TNFAIP1: variants seen among roughly 807,000 people sequenced by gnomAD.
TNFAIP1 encodes the protein TNF alpha induced protein 1.
In TNFAIP1, 20 loss-of-function variants were observed where a neutral mutation model predicts 32.6. The observed-to-expected ratio is 0.61, with a 90% CI of 0.43 to 0.89. TNFAIP1 has a LOEUF of 0.89. Among genes scored for constraint, TNFAIP1 ranks in the 40% least tolerant of loss-of-function variants. The probability of loss-of-function intolerance (pLI) is 0.00; values close to 1 mark genes in which losing one functional copy is unlikely to be tolerated. For synonymous variants in TNFAIP1, 166 were observed against 166.8 expected (o/e 1.00, Z 0.04); for missense variants, 319 against 425.1 (o/e 0.75, Z 2.20).
At position 28,340,203 on chromosome 17, in the gene TNFAIP1, G is replaced by A. The variant is rs1208779178; in HGVS notation, c.206-106G>A. 26 of 1,200,636 alleles carry A rather than the reference G, an allele frequency of 2.2e-5. No homozygotes were observed. Among genetic ancestry groups the A allele is most frequent in the South Asian group, 5.5e-5 (4 of 73,330 alleles). 74.4% of individuals were successfully genotyped at this position (1,200,636 alleles called of 1,614,324 possible). ...CACCCTGCGTAAGGGCTTTGTGCTC[G>A]TGGACCCCCTTCCCTGCCACCTGCC... On this transcript the variant is annotated intron_variant, in intron 2 of 6. Transcript: ENST00000226225. The surrounding 1 kb of genome is among the most constrained non-coding windows in gnomAD (Gnocchi z 4.1).
chr17:28,344,558 C>A lies in TNFAIP1; in HGVS notation c.909C>A (p.Tyr303Ter), dbSNP rs138477954. Residue 303 changes from tyrosine to a stop codon, truncating the protein, a stop_gained, in exon 7 of 7, where the codon TAC becomes TAA. Transcript: ENST00000226225. LOFTEE classifies it high-confidence loss of function. ...TCCACGTCAAGCGCTACAGCACTTA[C>A]GATGACCGGCAGCTCGGCCACCAGT... ...RRIHVKRYST[Y>*]DDRQLGHQST... The A allele has an allele frequency of 6.2e-7, 1 of 1,613,642 alleles. No individual in the cohort carries two copies. Among genetic ancestry groups the A allele is most frequent in the South Asian group, 1.1e-5 (1 of 91,088 alleles).
At position 28,339,450 on chromosome 17, in the gene TNFAIP1, G is replaced by T; in HGVS notation, c.-72G>T. ...TCTGGCCTCCACTGGCCACTCACTC[G>T]TGACCCTTTCCACCACGGCGGAGCC... On this transcript the variant is annotated 5_prime_UTR_variant, in exon 2 of 7. Transcript: ENST00000226225. 1 of 1,452,884 alleles carries T rather than the reference G, an allele frequency of 6.9e-7. No individual in the cohort carries two copies. Among genetic ancestry groups the T allele is most frequent in the Non-Finnish European group, 9.2e-7 (1 of 1,090,810 alleles). The allele number at this position is 1,452,884 out of a possible 1,614,324, so 90.0% of individuals were successfully genotyped here. A position where few individuals can be genotyped will look rare whatever the true frequency, so the allele number is the denominator to read the frequency against.
At chr17:28,339,345 C>T in intron 1 of TNFAIP1, 63 bp from the exon 2 acceptor site, 1 of 522,118 alleles carries the variant, frequency 1.9e-6, no homozygotes, top group East Asian at 3.3e-5. Flanking sequence ...CGTGTTTCTG[C>T]TATTGTCTCC....
Position 28,340,164 on chromosome 17 carries a change from A to C in TNFAIP1, c.206-145A>C. On this transcript the variant is annotated intron_variant, in intron 2 of 6. Coordinates refer to ENST00000226225, the MANE Select transcript of TNFAIP1 (RefSeq NM_021137.5). This position sits in a 1 kb window ranked among gnomAD's most constrained non-coding sequence, Gnocchi z 4.1. ...CATGGGCCTGAGTGCTAGAACCTCCATCCCCGCCTCTGTCACCCTGCGTAA... is the reference window on the plus strand; with the variant it reads ...CATGGGCCTGAGTGCTAGAACCTCCCTCCCCGCCTCTGTCACCCTGCGTAA... 1.2e-6 allele frequency: 1 copy of C among 802,100 alleles called. No individual in the cohort carries two copies. The highest frequency in any genetic ancestry group is 2.0e-6 in the Non-Finnish European group (1 of 498,876). 49.7% of individuals were successfully genotyped at this position (802,100 alleles called of 1,614,324 possible).
chr17:28,344,741 G>T lies in TNFAIP1; in HGVS notation c.*141G>T, dbSNP rs1907489118. 1.2e-6 allele frequency: 1 copy of T among 831,756 alleles called. No individual in the cohort carries two copies. The highest frequency in any genetic ancestry group is 1.7e-5 in the African/African-American group (1 of 59,144). 51.5% of individuals were successfully genotyped at this position (831,756 alleles called of 1,614,324 possible). A position where few individuals can be genotyped will look rare whatever the true frequency, so the allele number is the denominator to read the frequency against. On this transcript the variant is annotated 3_prime_UTR_variant, in exon 7 of 7. Coordinates refer to ENST00000226225, the MANE Select transcript of TNFAIP1 (RefSeq NM_021137.5). Reference sequence around the variant, plus strand: ...TGACAGGCCCTGCTCAGAGGTCAGAGGGTCTGGGCAGAGGAGGGACCACAT... The same window carrying T: ...TGACAGGCCCTGCTCAGAGGTCAGATGGTCTGGGCAGAGGAGGGACCACAT...
intron 1 of TNFAIP1, among the ~76,000 whole-genome samples, chr17:28,336,283 C>T (rs1367695803): frequency 1.3e-5 from 2 of 152,120 alleles, no homozygotes; most frequent in African/African-American, 4.8e-5. Context: ...GCCACGGATC[C>T]GCCCTTAGCC....
chr17:28,341,146 G>C (rs1597794305), intron 3 of TNFAIP1, 91 bp from the exon 4 acceptor site: 1 of 1,330,020 alleles, frequency 7.5e-7, no homozygotes, highest in Admixed American at 1.7e-5. Flanking sequence ...CAAGCAGCGG[G>C]TGGCCATGGC....
chr17:28,339,526 CG>C lies in TNFAIP1; in HGVS notation c.10del (p.Asp4ThrfsTer43). 6.3e-7 allele frequency: 1 copy of C among 1,598,014 alleles called. No individual in the cohort carries two copies. On this transcript the variant is annotated frameshift_variant, in exon 2 of 7. Coordinates refer to ENST00000226225, the MANE Select transcript of TNFAIP1 (RefSeq NM_021137.5). LOFTEE classifies it high-confidence loss of function. ...GTGATCTACCTGCAGCGGGAGATGTCGGGGGACACCTGCCTGTGCCCAGCCT... is the reference window on the plus strand; with the variant it reads ...GTGATCTACCTGCAGCGGGAGATGTCGGGGACACCTGCCTGTGCCCAGCCT... Reference protein sequence around the residue: MSGDTCLCPASG... With the variant: MXGDTCLCPASG...
rs1907596728 is a variant in TNFAIP1, at chr17:28,346,990, T to G, written c.*2390T>G. On this transcript the variant is annotated 3_prime_UTR_variant, in exon 7 of 7. Transcript: ENST00000226225. ...GATGGAAGCAAACACTAATTTCTAA[T>G]AAAATTGTGTTAAACTCAATGGTAC... 6.6e-6 allele frequency: 1 copy of G among 152,222 alleles called. No homozygotes were observed. The highest frequency in any genetic ancestry group is 6.5e-5 in the Admixed American group (1 of 15,278). 9.4% of individuals were successfully genotyped at this position (152,222 alleles called of 1,614,324 possible). A position where few individuals can be genotyped will look rare whatever the true frequency, so the allele number is the denominator to read the frequency against.
chr17:28,343,899 C>T (rs1907452491), intron 6 of TNFAIP1, among the ~76,000 whole-genome samples: 1 of 152,194 alleles, frequency 6.6e-6, no homozygotes, highest in African/African-American at 2.4e-5. Context: ...AGCATAGCAG[C>T]TGCTCTGTGT....
rs1555577813 is a variant in TNFAIP1 at position 28,339,541 on chromosome 17, T to C, written c.20T>C (p.Leu7Pro). Residue 7 changes from leucine to proline, a missense_variant, in exon 2 of 7, where the codon CTG (leucine) becomes CCG (proline). By Grantham distance (98) the Leu-to-Pro change is moderately conservative. Coordinates refer to ENST00000226225, the MANE Select transcript of TNFAIP1 (RefSeq NM_021137.5). MSGDTC[L>P]CPASGAKPKL... ...CGGGAGATGTCGGGGGACACCTGCCTGTGCCCAGCCTCAGGGGCCAAGCCC... is the reference window on the plus strand; with the variant it reads ...CGGGAGATGTCGGGGGACACCTGCCCGTGCCCAGCCTCAGGGGCCAAGCCC... 1 of 1,606,860 alleles carries C rather than the reference T, an allele frequency of 6.2e-7. No individual in the cohort carries two copies. Among genetic ancestry groups the C allele is most frequent in the African/African-American group, 1.3e-5 (1 of 74,832 alleles).
chr17:28,341,910 G>A (rs1398187979), intron 5 of TNFAIP1, among the ~76,000 whole-genome samples: 3 of 152,288 alleles, frequency 2.0e-5, no homozygotes. Context: ...GATTCCCTGT[G>A]GCCAGGCATA....
At chr17:28,336,092 G>C (rs1380245909) in intron 1 of TNFAIP1, among the ~76,000 whole-genome samples, 2 of 152,160 alleles carry the variant, frequency 1.3e-5, no homozygotes, top group African/African-American at 4.8e-5. Flanking sequence ...TTTGGGTGAC[G>C]CTTAACCTTT....
Position 28,345,218 on chromosome 17 carries a change from T to C in TNFAIP1, c.*618T>C, listed in dbSNP as rs1454664942. Reference sequence around the variant, plus strand: ...GTACTGTTATTCAGGAGGTTGATAATCTCCTTGACCCATGTCTTTCTACCC... The same window carrying C: ...GTACTGTTATTCAGGAGGTTGATAACCTCCTTGACCCATGTCTTTCTACCC... On this transcript the variant is annotated 3_prime_UTR_variant, in exon 7 of 7. Transcript: ENST00000226225. The C allele has an allele frequency of 1.3e-5, 2 of 153,750 alleles. No homozygotes were observed. Among genetic ancestry groups the C allele is most frequent in the African/African-American group, 4.8e-5 (2 of 41,400 alleles). 9.5% of individuals were successfully genotyped at this position (153,750 alleles called of 1,614,324 possible). A position where few individuals can be genotyped will look rare whatever the true frequency, so the allele number is the denominator to read the frequency against.
At chr17:28,341,186 G>A (rs782145811) in intron 3 of TNFAIP1, 51 bp from the exon 4 acceptor site, 4 of 1,603,274 alleles carry the variant, frequency 2.5e-6, no homozygotes, top group Admixed American at 1.7e-5. Context: ...ACCTCGATAA[G>A]CCTGGGAAGC....
In TNFAIP1 at chr17:28,344,819, T is replaced by G; in HGVS notation, c.*219T>G. On this transcript the variant is annotated 3_prime_UTR_variant, in exon 7 of 7. Coordinates refer to ENST00000226225, the MANE Select transcript of TNFAIP1 (RefSeq NM_021137.5). Reference sequence around the variant, plus strand: ...GGAGACTGCGTCCTGTCCTATCTGCTCACCATCACCCTTCCTGCCCGACGG... The same window carrying G: ...GGAGACTGCGTCCTGTCCTATCTGCGCACCATCACCCTTCCTGCCCGACGG... 1.7e-6 allele frequency: 1 copy of G among 586,212 alleles called. No homozygotes were observed. The highest frequency in any genetic ancestry group is 3.0e-5 in the Admixed American group (1 of 33,516). 36.3% of individuals were successfully genotyped at this position (586,212 alleles called of 1,614,324 possible). A position where few individuals can be genotyped will look rare whatever the true frequency, so the allele number is the denominator to read the frequency against.
intron 1 of TNFAIP1, among the ~76,000 whole-genome samples, chr17:28,336,882 T>C (rs1907188955): frequency 6.6e-6 from 1 of 152,216 alleles, no homozygotes; most frequent in South Asian, 2.1e-4. Context: ...AGGGACAATT[T>C]CAGTCTAACA....
In TNFAIP1 at chr17:28,344,472, A is replaced by C; in HGVS notation, c.823A>C (p.Ser275Arg). 2.5e-6 allele frequency: 4 copies of C among 1,614,036 alleles called. No individual in the cohort carries two copies. Among genetic ancestry groups the C allele is most frequent in the Non-Finnish European group, 2.5e-6 (3 of 1,180,018 alleles). The change falls in exon 7 of 7, where the codon AGC becomes CGC. Residue 275 changes from serine to arginine, a missense_variant. Transcript: ENST00000226225. ...SLLEATSRSRSQASPSEDEET... is the reference protein window; with the variant it reads ...SLLEATSRSRRQASPSEDEET... ...GTTGGAGGCCACAAGCCGTAGCCGCAGCCAGGCTTCCCCCAGTGAAGATGA... is the reference window on the plus strand; with the variant it reads ...GTTGGAGGCCACAAGCCGTAGCCGCCGCCAGGCTTCCCCCAGTGAAGATGA...
chr17:28,336,396 T>G (rs1907158541), intron 1 of TNFAIP1: 1 of 152,204 alleles, frequency 6.6e-6, no homozygotes, highest in African/African-American at 2.4e-5. Context: ...GGGCGTCACC[T>G]GCCACAGAAT....
Sources: allele counts gnomAD v4.1 joint callset (sites outside exome capture counted in the v4.1 genomes callset), GRCh38; gene constraint gnomAD v4.1.1; non-coding constraint Gnocchi (gnomAD v3.1); transcripts MANE v1.5; gene names NCBI Gene and HGNC (gene_info 2026-07-23, HGNC 2026-07-21).